The following GALNTL6 variants were observed in gnomAD, a reference collection of about 807,000 sequenced individuals.
GALNTL6 encodes the protein polypeptide N-acetylgalactosaminyltransferase like 6, also known as polypeptide N-acetylgalactosaminyltransferase-like 6.
A neutral mutation model predicts 73.7 loss-of-function variants in GALNTL6; 46 were observed. The observed-to-expected ratio is 0.62, with a 90% CI of 0.49 to 0.80. The LOEUF (loss-of-function observed/expected upper bound fraction) is 0.80, where lower values mean the gene tolerates loss of function less well. Ranked by LOEUF, GALNTL6 falls within the 30% of genes least tolerant of loss-of-function variation. The probability of loss-of-function intolerance (pLI) is 0.00; values close to 1 mark genes in which losing one functional copy is unlikely to be tolerated. For missense variants in GALNTL6, 604 were observed against 755.0 expected, an observed-to-expected ratio of 0.80 and a Z score of 2.34; for synonymous variants, 259 against 263.7, an observed-to-expected ratio of 0.98 and a Z score of 0.17.
intron 8 of GALNTL6, among the ~76,000 whole-genome samples, chr4:172,899,328 A>G: frequency 6.6e-6 from 1 of 152,204 alleles, no homozygotes; most frequent in East Asian, 1.9e-4. Flanking sequence ...CCCTCTCACT[A>G]TGGTGGCAGT....
intron 2 of GALNTL6, among the ~76,000 whole-genome samples, chr4:172,201,734 A>G (rs1018879451): frequency 2.0e-5 from 3 of 152,186 alleles, no homozygotes; most frequent in Admixed American, 1.3e-4. Flanking sequence ...TAGTGCACAT[A>G]AAATGGCAAT....
At chr4:172,638,887 C>A (rs1379352417) in intron 5 of GALNTL6, among the ~76,000 whole-genome samples, 2 of 152,050 alleles carry the variant, frequency 1.3e-5, no homozygotes, top group Non-Finnish European at 2.9e-5. Flanking sequence ...TTGAAGAGTA[C>A]TGACCATTTA....
intron 8 of GALNTL6, among the ~76,000 whole-genome samples, chr4:172,923,537 G>C (rs1259808113): frequency 6.6e-6 from 1 of 152,120 alleles, no homozygotes; most frequent in Non-Finnish European, 1.5e-5. Flanking sequence ...GGTAGAATAA[G>C]TATAGATCTG....
chr4:172,536,161 C>G (rs1201837373), intron 5 of GALNTL6, among the ~76,000 whole-genome samples: 1 of 152,178 alleles, frequency 6.6e-6, no homozygotes, highest in Non-Finnish European at 1.5e-5. Flanking sequence ...TGATGCCTCC[C>G]CAGCTATGTG....
intron 5 of GALNTL6, among the ~76,000 whole-genome samples, chr4:172,417,597 C>T (rs1579052907): frequency 1.3e-5 from 2 of 151,768 alleles, no homozygotes; most frequent in Admixed American, 6.6e-5. Flanking sequence ...TGCAGTGAGC[C>T]GAGATTTTGC....
chr4:172,300,064 C>CAT, intron 3 of GALNTL6, among the ~76,000 whole-genome samples: 2 of 152,066 alleles, frequency 1.3e-5, no homozygotes, highest in African/African-American at 2.4e-5. Flanking sequence ...GTATTGGGTG[C>CAT]ATATATATAT....
At chr4:172,489,148 A>G (rs903483721) in intron 5 of GALNTL6, among the ~76,000 whole-genome samples, 3 of 152,276 alleles carry the variant, frequency 2.0e-5, no homozygotes, top group South Asian at 2.1e-4. Context: ...ATTAATCTCA[A>G]TGCCAGTATT....
At chr4:172,211,102 G>A (rs921158265) in intron 2 of GALNTL6, among the ~76,000 whole-genome samples, 8 of 151,980 alleles carry the variant, frequency 5.3e-5, no homozygotes, top group African/African-American at 1.9e-4. Context: ...ATTGTTGGTG[G>A]TCTTATTTAT....
At position 172,667,238 on chromosome 4, in the gene GALNTL6, C is replaced by T. The variant is rs1731720305; in HGVS notation, c.554-142123C>T. The T allele has an allele frequency of 2.0e-5, 3 of 152,222 alleles. No homozygotes were observed. In the South Asian group the frequency reaches 6.2e-4, roughly 32 times the overall value. 9.4% of individuals were successfully genotyped at this position (152,222 alleles called of 1,614,324 possible). On this transcript the variant is annotated intron_variant, in intron 5 of 12. Transcript: ENST00000506823. ...CACTGAAACTATTGCACTCTCCTCC[C>T]TTCTACTGGCTCCATCACCTGTGTT... is the stretch of plus-strand genomic sequence containing the variant.
rs377563631 is a variant in GALNTL6 at position 172,914,029 on chromosome 4, C to T, written c.1042-17132C>T. 1.2e-4 allele frequency among the ~76,000 whole-genome samples: 18 copies of T among 152,306 alleles called. No individual in the cohort carries two copies. In the South Asian group the frequency reaches 3.3e-3, roughly 28 times the overall value. On this transcript the variant is annotated intron_variant, in intron 8 of 12. Coordinates refer to ENST00000506823, the MANE Select transcript of GALNTL6 (RefSeq NM_001034845.3). ...TACCCACAAAGGGAAGCCCATCAGA[C>T]TAACAGCTAATCTCTCAGCAGAAAC...
chr4:172,960,874 G>A (rs1750012227), intron 10 of GALNTL6, among the ~76,000 whole-genome samples: 1 of 152,060 alleles, frequency 6.6e-6, no homozygotes, highest in Non-Finnish European at 1.5e-5. Context: ...AGGAATGGAG[G>A]GTGGAAGGCT....
chr4:172,375,987 A>G (rs538348917), intron 5 of GALNTL6, among the ~76,000 whole-genome samples: 1 of 152,322 alleles, frequency 6.6e-6, no homozygotes, highest in South Asian at 2.1e-4. Context: ...TTACATGAAT[A>G]GGAAGGATAC....
chr4:172,176,881 T>C (rs1419222067), intron 2 of GALNTL6, among the ~76,000 whole-genome samples: 1 of 152,192 alleles, frequency 6.6e-6, no homozygotes, highest in African/African-American at 2.4e-5. Flanking sequence ...CCTGTTTTAG[T>C]AATCTCTAAA....
chr4:172,482,579 A>G (rs1342248885), intron 5 of GALNTL6, among the ~76,000 whole-genome samples: 1 of 152,272 alleles, frequency 6.6e-6, no homozygotes, highest in Non-Finnish European at 1.5e-5. Context: ...CAACGCAAGT[A>G]AAAACAATTA....
intron 5 of GALNTL6, among the ~76,000 whole-genome samples, chr4:172,706,652 T>C (rs1443324454): frequency 6.6e-6 from 1 of 152,194 alleles, no homozygotes; most frequent in East Asian, 1.9e-4. Flanking sequence ...GCCTCCTTTC[T>C]GGCATTAGGT....
chr4:172,855,079 C>T (rs914423742), intron 7 of GALNTL6, among the ~76,000 whole-genome samples: 1 of 151,584 alleles, frequency 6.6e-6, no homozygotes, highest in African/African-American at 2.4e-5. Context: ...AATCCATCAT[C>T]TAAGTTCAAG....
At chr4:172,517,841 A>C (rs1253178777) in intron 5 of GALNTL6, among the ~76,000 whole-genome samples, 8 of 152,118 alleles carry the variant, frequency 5.3e-5, no homozygotes, top group Admixed American at 5.2e-4. Flanking sequence ...TTCCAGGCTA[A>C]ATTAAAAGAG....
At chr4:171,889,168 G>A (rs980337715) in intron 2 of GALNTL6, among the ~76,000 whole-genome samples, 3 of 151,954 alleles carry the variant, frequency 2.0e-5, no homozygotes, top group African/African-American at 7.2e-5. Flanking sequence ...AAAAGATATA[G>A]TCTTTGACAT....
chr4:172,707,722 A>G (rs1734442294), intron 5 of GALNTL6, among the ~76,000 whole-genome samples: 2 of 152,176 alleles, frequency 1.3e-5, no homozygotes. Flanking sequence ...AAATACAGCA[A>G]TGACAGCTGG....
Sources: gnomAD v4.1 joint callset for allele counts (sites outside exome capture counted in the v4.1 genomes callset) on GRCh38, gnomAD v4.1.1 for gene constraint, MANE v1.5 for transcripts, NCBI Gene and HGNC (gene_info 2026-07-23, HGNC 2026-07-21) for gene names.